The following CDH12 variants were observed in gnomAD, a reference collection of about 807,000 sequenced individuals.
The protein encoded by CDH12 is cadherin-12.
In CDH12, 41 loss-of-function variants were observed where a neutral mutation model predicts 74.1. The observed-to-expected ratio is 0.55, with a 90% CI of 0.43 to 0.72. The LOEUF is 0.72. CDH12 is among the 30% of genes least tolerant of loss of function. The pLI, the probability that CDH12 is intolerant of heterozygous loss-of-function variation, is 0.00. For missense variants in CDH12, 945 were observed against 977.2 expected (o/e 0.97, Z 0.44); for synonymous variants, 399 against 355.0 (o/e 1.12, Z -1.39).
intron 4 of CDH12, among the ~76,000 whole-genome samples, chr5:22,123,706 G>A (rs1420688903): frequency 6.6e-6 from 1 of 152,038 alleles, no homozygotes; most frequent in Non-Finnish European, 1.5e-5. Flanking sequence ...TGTCCTACGC[G>A]ATTTTGCAGT....
At chr5:22,662,456 G>A (rs963492444) in intron 1 of CDH12, among the ~76,000 whole-genome samples, 3 of 152,040 alleles carry the variant, frequency 2.0e-5, no homozygotes, top group East Asian at 1.9e-4. Context: ...GGAGTCATAC[G>A]GAACAAAAAG....
At chr5:22,363,900 C>T (rs879294823) in intron 3 of CDH12, among the ~76,000 whole-genome samples, 17 of 152,178 alleles carry the variant, frequency 1.1e-4, no homozygotes, top group Non-Finnish European at 2.4e-4. Context: ...TTCTTAGTAA[C>T]GTGATATTCT....
chr5:22,413,270 C>A (rs944727933), intron 2 of CDH12, among the ~76,000 whole-genome samples: 1 of 151,634 alleles, frequency 6.6e-6, no homozygotes, highest in Non-Finnish European at 1.5e-5. Context: ...ATGAAAAGTC[C>A]AAAGGGGAAA....
chr5:22,107,228 G>A lies in CDH12; in HGVS notation c.-186-28366C>T, dbSNP rs1003435877. Among the ~76,000 whole-genome samples the A allele has an allele frequency of 2.0e-5, 3 of 151,426 alleles. No individual in the cohort carries two copies. The East Asian group carries it at 5.8e-4, about 29-fold the overall frequency. On this transcript the variant is annotated intron_variant, in intron 4 of 14. Coordinates refer to ENST00000382254, the MANE Select transcript of CDH12 (RefSeq NM_004061.5). ...GCTCACTGCAATCTCTGCCTCCGAA[G>A]TTCAAGCAATTCTCCTGCCTCAGCC... is the stretch of plus-strand genomic sequence containing the variant.
intron 2 of CDH12, among the ~76,000 whole-genome samples, chr5:22,485,641 C>A (rs1052289249): frequency 6.6e-6 from 1 of 152,026 alleles, no homozygotes; most frequent in Non-Finnish European, 1.5e-5. Flanking sequence ...CTTTTCTGTT[C>A]TCTTTAGCCT....
intron 1 of CDH12, among the ~76,000 whole-genome samples, chr5:22,565,651 G>C (rs1323388840): frequency 3.3e-5 from 5 of 151,858 alleles, no homozygotes; most frequent in Non-Finnish European, 7.4e-5. Context: ...ATCCTCTTGG[G>C]GGTATTTGCC....
intron 5 of CDH12, among the ~76,000 whole-genome samples, chr5:22,046,555 C>T (rs931171586): frequency 4.0e-5 from 6 of 151,260 alleles, no homozygotes; most frequent in East Asian, 1.9e-4. Context: ...CCTCAGCCTC[C>T]GGTCATTTAA....
chr5:22,820,042 T>TATACATATAC (rs1561054207), intron 1 of CDH12, among the ~76,000 whole-genome samples: 6 of 147,292 alleles, frequency 4.1e-5, no homozygotes, highest in Middle Eastern at 3.6e-3. Flanking sequence ...TATACATATA[T>TATACATATAC]ATACATATAC....
At chr5:22,540,135 G>A (rs1180929175) in intron 1 of CDH12, among the ~76,000 whole-genome samples, 1 of 151,948 alleles carries the variant, frequency 6.6e-6, no homozygotes, top group Non-Finnish European at 1.5e-5. Context: ...TTAGCACAGA[G>A]CAATTTTATA....
At chr5:22,466,544 C>A (rs1220301681) in intron 2 of CDH12, among the ~76,000 whole-genome samples, 1 of 152,042 alleles carries the variant, frequency 6.6e-6, no homozygotes, top group Non-Finnish European at 1.5e-5. Context: ...GGTGTGTGCA[C>A]TTTTGCACAC....
At chr5:22,800,310 T>A (rs560263144) in intron 1 of CDH12, among the ~76,000 whole-genome samples, 1 of 152,030 alleles carries the variant, frequency 6.6e-6, no homozygotes, top group African/African-American at 2.4e-5. Flanking sequence ...GTTAAAGGAG[T>A]TTTTTTCTTA....
intron 3 of CDH12, among the ~76,000 whole-genome samples, chr5:22,261,805 T>A (rs974379236): frequency 1.1e-4 from 14 of 123,868 alleles, no homozygotes; most frequent in African/African-American, 2.9e-4. Context: ...AAAAAAAAAA[T>A]ACATGGCTTT....
At chr5:22,155,388 T>C (rs2150314611) in intron 4 of CDH12, among the ~76,000 whole-genome samples, 1 of 152,146 alleles carries the variant, frequency 6.6e-6, no homozygotes, top group East Asian at 1.9e-4. Context: ...CTAAGAACCG[T>C]CAATATCTCA....
At position 22,529,186 on chromosome 5, in the gene CDH12, TATAGAGAG is replaced by T. The variant is rs1335446568; in HGVS notation, c.-522-23830_-522-23823del. Among the ~76,000 whole-genome samples the T allele has an allele frequency of 6.2e-3, 428 of 69,548 alleles. 8 individuals are homozygous for T. Among genetic ancestry groups the T allele is most frequent in the African/African-American group, 0.016 (331 of 20,126 alleles). The allele number at this position is 69,548 out of a possible 152,430, so 45.6% of individuals were successfully genotyped here. Reference sequence around the variant, plus strand: ...ATGTGTATATATATATATATATATATATAGAGAGAGAGAGAGAGAGAGAGAGAGAGAGA... The same window carrying T: ...ATGTGTATATATATATATATATATATAGAGAGAGAGAGAGAGAGAGAGAGA... On this transcript the variant is annotated intron_variant, in intron 1 of 14. Coordinates refer to ENST00000382254, the MANE Select transcript of CDH12 (RefSeq NM_004061.5).
chr5:21,903,824 A>C (rs1052920143), intron 6 of CDH12, among the ~76,000 whole-genome samples: 1 of 152,212 alleles, frequency 6.6e-6, no homozygotes, highest in Non-Finnish European at 1.5e-5. Context: ...AAATAGATGG[A>C]AAGTAGGAGC....
intron 6 of CDH12, among the ~76,000 whole-genome samples, chr5:21,879,360 A>G (rs1363786718): frequency 6.6e-6 from 1 of 152,244 alleles, no homozygotes; most frequent in African/African-American, 2.4e-5. Flanking sequence ...TCACTAAAGT[A>G]TAATTTTGAT....
chr5:21,971,005 C>G (rs1756831361), intron 6 of CDH12, among the ~76,000 whole-genome samples: 2 of 151,502 alleles, frequency 1.3e-5, no homozygotes, highest in South Asian at 4.2e-4. Flanking sequence ...CAAGGGAGTA[C>G]CTGTTCACTA....
At position 22,088,559 on chromosome 5, in the gene CDH12, C is replaced by T. The variant is rs557108957; in HGVS notation, c.-186-9697G>A. Among the ~76,000 whole-genome samples, 19 of 152,258 alleles carry T rather than the reference C, an allele frequency of 1.2e-4. No homozygotes were observed. The East Asian group carries it at 3.7e-3, about 29-fold the overall frequency. On this transcript the variant is annotated intron_variant, in intron 4 of 14. Transcript: ENST00000382254. ...AGGTATCACTACAGGGTATGAGGGT[C>T]CCAACTCCCAGTGTTGTTGCATTGG...
chr5:22,409,100 C>G (rs1743074367), intron 2 of CDH12, among the ~76,000 whole-genome samples: 1 of 151,976 alleles, frequency 6.6e-6, no homozygotes, highest in South Asian at 2.1e-4. Context: ...TTAAAGGTAT[C>G]TTTTGTGCAA....
Sources: allele counts gnomAD v4.1 joint callset (sites outside exome capture counted in the v4.1 genomes callset), GRCh38; gene constraint gnomAD v4.1.1; transcripts MANE v1.5; gene names NCBI Gene and HGNC (gene_info 2026-07-23, HGNC 2026-07-21).